CLEC1B: variants seen among roughly 807,000 people sequenced by gnomAD.
The protein encoded by CLEC1B is C-type lectin domain family 1 member B.
In CLEC1B, 26 loss-of-function variants were observed where a neutral mutation model predicts 26.7. That is an observed-to-expected ratio of 0.97 (90% CI 0.71 to 1.35). CLEC1B has a LOEUF of 1.35. Ranked by LOEUF, CLEC1B falls within the 40% of genes most tolerant of loss-of-function variation. The pLI is 0.00. For missense variants in CLEC1B, 293 were observed against 282.6 expected, an observed-to-expected ratio of 1.04 and a Z score of -0.26; for synonymous variants, 112 against 96.0, an observed-to-expected ratio of 1.17 and a Z score of -0.97.
rs779184937 is a variant in CLEC1B at position 9,996,960 on chromosome 12, A to G, written c.324T>C (p.Tyr108=). The change falls in exon 4 of 6, where the codon TAT becomes TAC. Residue 108 remains tyrosine (Y), a synonymous_variant. Transcript: ENST00000298527. ...KCSPCDTNWR[Y]YGDSCYGFFR... is the part of the protein sequence containing the mutation. ...AGAACCCATAGCAGCTATCTCCATA[A>G]TATCTCCAGTTTGTGTCACAGGGGC... The G allele has an allele frequency of 6.2e-6, 10 of 1,614,002 alleles. No homozygotes were observed. The East Asian group carries it at 6.7e-5, about 11-fold the overall frequency.
Position 9,993,103 on chromosome 12 carries a change from A to T in CLEC1B, c.*40T>A. 6.3e-7 allele frequency: 1 copy of T among 1,577,806 alleles called. No homozygotes were observed. The highest frequency in any genetic ancestry group is 8.7e-7 in the Non-Finnish European group (1 of 1,154,310). ...ATTCATACATATCTTTTATTGTACA[A>T]TAAAGCCCTTATCTGTGTTATCCTG... On this transcript the variant is annotated 3_prime_UTR_variant, in exon 6 of 6. Coordinates refer to ENST00000298527, the MANE Select transcript of CLEC1B (RefSeq NM_016509.4).
In CLEC1B at chr12:9,997,184, G is replaced by GT; in HGVS notation, c.258dup (p.Gln87ThrfsTer12). ...CTGAAAGTGCCCTTTAGTTCTGATTGTTTTACCACATATTGACAGAAGCGC... is the reference window on the plus strand; with the variant it reads ...CTGAAAGTGCCCTTTAGTTCTGATTGTTTTTACCACATATTGACAGAAGCGC... On this transcript the variant is annotated frameshift_variant, in exon 3 of 6. Coordinates refer to ENST00000298527, the MANE Select transcript of CLEC1B (RefSeq NM_016509.4). LOFTEE classifies it high-confidence loss of function. The GT allele has an allele frequency of 1.9e-6, 3 of 1,613,988 alleles. No individual in the cohort carries two copies. Among genetic ancestry groups the GT allele is most frequent in the Non-Finnish European group, 1.7e-6 (2 of 1,179,966 alleles).
upstream of CLEC1B, chr12:9,999,204 TTAG>T: frequency 1.3e-6 from 1 of 761,316 alleles, no homozygotes; most frequent in Admixed American, 2.1e-5. Flanking sequence ...CTTCCTGTCT[TTAG>T]TAGGGTAGAA....
chr12:9,994,339 G>A (rs116098825), intron 5 of CLEC1B, among the ~76,000 whole-genome samples: 134 of 152,278 alleles, frequency 8.8e-4, no homozygotes, highest in African/African-American at 3.0e-3. Flanking sequence ...CCCAAGGTCT[G>A]TGAAGAGGCT....
intron 1 of CLEC1B, among the ~76,000 whole-genome samples, chr12:9,998,779 T>C (rs190703420): frequency 5.1e-4 from 78 of 152,312 alleles, no homozygotes; most frequent in Admixed American, 1.3e-3. Context: ...TCTTTTCCGT[T>C]ATCCCCTTGA....
At chr12:9,996,729 A>T (rs770265124) in intron 4 of CLEC1B, 117 bp downstream of exon 4, 13 of 1,004,226 alleles carry the variant, frequency 1.3e-5, no homozygotes, top group Non-Finnish European at 1.9e-5. Flanking sequence ...CAAGGGTCTT[A>T]GATTAGTACA....
chr12:9,998,134 T>C, intron 2 of CLEC1B, 148 bp downstream of exon 2: 1 of 649,230 alleles, frequency 1.5e-6, no homozygotes, highest in Non-Finnish European at 2.8e-6. Flanking sequence ...TGTTCTCCTT[T>C]ATTGAGATTC....
intron 5 of CLEC1B, among the ~76,000 whole-genome samples, chr12:9,994,607 A>T (rs1864985915): frequency 6.6e-6 from 1 of 152,108 alleles, no homozygotes. Context: ...TTGTAGAAGG[A>T]CAAAGCTTCG....
chr12:10,000,005 A>G (rs1865137168), upstream of CLEC1B, among the ~76,000 whole-genome samples: 1 of 152,240 alleles, frequency 6.6e-6, no homozygotes, highest in Admixed American at 6.5e-5. Flanking sequence ...AAGTAGTTGT[A>G]AGAACAGCCA....
At position 9,998,313 on chromosome 12, in the gene CLEC1B, C is replaced by T; in HGVS notation, c.132G>A (p.Met44Ile). 1 of 1,614,110 alleles carries T rather than the reference C, an allele frequency of 6.2e-7. No individual in the cohort carries two copies. Among genetic ancestry groups the T allele is most frequent in the Non-Finnish European group, 8.5e-7 (1 of 1,180,028 alleles). ...ALILLILCVG[M>I]VVGLVALGIW... ...TCCCCAGAGCCACCAGCCCGACAACCATCCCCACGCACAGGATCAGCAGAA... is the reference window on the plus strand; with the variant it reads ...TCCCCAGAGCCACCAGCCCGACAACTATCCCCACGCACAGGATCAGCAGAA... The change falls in exon 2 of 6, where the codon ATG becomes ATA. Residue 44 changes from methionine to isoleucine, a missense_variant. Met to Ile is a conservative substitution (Grantham distance 10). Transcript: ENST00000298527.
At chr12:9,998,257 A>C (rs377059508) in intron 2 of CLEC1B, 25 bp downstream of exon 2, 4 of 1,589,434 alleles carry the variant, frequency 2.5e-6, no homozygotes, top group Non-Finnish European at 3.5e-6. Context: ...CCTCCAGTCA[A>C]ATTTCTGGCA....
chr12:9,999,579 A>G (rs760490679), upstream of CLEC1B, among the ~76,000 whole-genome samples: 8 of 152,322 alleles, frequency 5.3e-5, no homozygotes, highest in Middle Eastern at 3.4e-3. Context: ...ATTGGATCTG[A>G]TAGGGGCTAA....
At chr12:9,997,531 C>T (rs1054205468) in intron 2 of CLEC1B, among the ~76,000 whole-genome samples, 18 of 152,120 alleles carry the variant, frequency 1.2e-4, no homozygotes, top group Admixed American at 9.2e-4. Context: ...ATCCCAACAT[C>T]GATAACATCC....
Position 9,993,228 on chromosome 12 carries a change from T to C in CLEC1B, c.605A>G (p.Lys202Arg). The part of the protein sequence containing the change: ...NMNCAYFHNG[K>R]MHPTFCENKH... The stretch of plus-strand genomic sequence containing the variant: ...GTTCTCACAGAAGGTAGGGTGCATT[T>C]TCCCATTATGAAAATAAGCACAATT... Residue 202 changes from lysine (K) to arginine (R), a missense_variant, in exon 6 of 6, where the codon AAA becomes AGA. Physicochemically the swap from Lys to Arg is conservative, Grantham distance 26. Coordinates refer to ENST00000298527, the MANE Select transcript of CLEC1B (RefSeq NM_016509.4). The C allele has an allele frequency of 6.2e-7, 1 of 1,612,960 alleles. No individual in the cohort carries two copies. The highest frequency in any genetic ancestry group is 8.5e-7 in the Non-Finnish European group (1 of 1,179,130).
upstream of CLEC1B, among the ~76,000 whole-genome samples, chr12:9,999,485 TG>T (rs1865129600): frequency 6.6e-6 from 1 of 152,176 alleles, no homozygotes; most frequent in Admixed American, 6.5e-5. Flanking sequence ...ATTGCTCAAA[TG>T]AGAGATTTCT....
At chr12:10,000,072 T>C (rs950191563), upstream of CLEC1B, among the ~76,000 whole-genome samples, 1 of 152,256 alleles carries the variant, frequency 6.6e-6, no homozygotes. Context: ...TTGTCTATTT[T>C]GCCATAGGGT....
At chr12:9,999,204 T>C (rs1865125717), upstream of CLEC1B, 1 of 761,316 alleles carries the variant, frequency 1.3e-6, no homozygotes, top group Non-Finnish European at 2.3e-6. Flanking sequence ...CTTCCTGTCT[T>C]TAGTAGGGTA....
chr12:9,997,521 A>C (rs1419921980), intron 2 of CLEC1B, among the ~76,000 whole-genome samples: 2 of 152,210 alleles, frequency 1.3e-5, no homozygotes, highest in Non-Finnish European at 2.9e-5. Context: ...CAAATAAAAA[A>C]TCCCAACATC....
At chr12:9,997,077 C>A (rs1481357382) in intron 3 of CLEC1B, 77 bp from the exon 4 acceptor site, 1 of 1,608,306 alleles carries the variant, frequency 6.2e-7, no homozygotes, top group Non-Finnish European at 8.5e-7. Context: ...ATGTTTTCTG[C>A]AGATCTCAAA....
Sources: allele counts gnomAD v4.1 joint callset (sites outside exome capture counted in the v4.1 genomes callset), GRCh38; gene constraint gnomAD v4.1.1; transcripts MANE v1.5; gene names NCBI Gene and HGNC (gene_info 2026-07-23, HGNC 2026-07-21).